The following SMAD5 variants were observed in gnomAD, a reference collection of about 807,000 sequenced individuals.
SMAD5 encodes the protein SMAD family member 5, also known as MAD, mothers against decapentaplegic homolog 5.
A neutral mutation model predicts 43.1 loss-of-function variants in SMAD5; 9 were observed. That is an observed-to-expected ratio of 0.21 (90% CI 0.13 to 0.36). The LOEUF (loss-of-function observed/expected upper bound fraction) is 0.36, where lower values mean the gene tolerates loss of function less well. Ranked by LOEUF, SMAD5 falls within the 10% of genes least tolerant of loss-of-function variation. The pLI, the probability that SMAD5 is intolerant of heterozygous loss-of-function variation, is 1.00. For missense variants in SMAD5, 348 were observed against 574.0 expected, an observed-to-expected ratio of 0.61 and a Z score of 4.02; for synonymous variants, 190 against 192.4, an observed-to-expected ratio of 0.99 and a Z score of 0.10.
intron 6 of SMAD5, among the ~76,000 whole-genome samples, chr5:136,173,028 T>A (rs753086838): frequency 3.9e-5 from 6 of 152,214 alleles, no homozygotes; most frequent in Non-Finnish European, 7.3e-5. Flanking sequence ...GTATGAATGC[T>A]GGTGAAGGAT....
rs1327915858 is a variant in SMAD5 at position 136,182,568 on chromosome 5, G to T, written c.*5088G>T. On this transcript the variant is annotated 3_prime_UTR_variant, in exon 8 of 8. Coordinates refer to ENST00000545279, the MANE Select transcript of SMAD5 (RefSeq NM_005903.7). ...TTGTATTTGTTGTGCTTCTGTTTAT[G>T]TTGTAGAAGCTGAAATTCTAGCAAC... is the stretch of plus-strand genomic sequence containing the variant. 2 of 152,738 alleles carry T rather than the reference G, an allele frequency of 1.3e-5. No homozygotes were observed. Among genetic ancestry groups the T allele is most frequent in the South Asian group, 4.1e-4 (2 of 4,830 alleles). 9.5% of individuals were successfully genotyped at this position (152,738 alleles called of 1,614,324 possible).
chr5:136,153,417 A>G (rs1474324897), intron 2 of SMAD5, among the ~76,000 whole-genome samples, 175 bp from the exon 3 acceptor site: 3 of 152,088 alleles, frequency 2.0e-5, no homozygotes, highest in Non-Finnish European at 2.9e-5. Flanking sequence ...TGTTCATATT[A>G]TGGGGAAGGA....
At chr5:136,142,348 T>A (rs1367188772) in intron 1 of SMAD5, among the ~76,000 whole-genome samples, 4 of 152,150 alleles carry the variant, frequency 2.6e-5, no homozygotes, top group African/African-American at 9.7e-5. Flanking sequence ...TGTTTTGTAA[T>A]GTGATAGATT....
At position 136,174,548 on chromosome 5, in the gene SMAD5, G is replaced by A. The variant is rs1754340896; in HGVS notation, c.1170G>A (p.Gln390=). ...LKIFNNQEFA[Q]LLAQSVNHGF... Reference sequence around the variant, plus strand: ...TTTTTAACAATCAGGAGTTTGCTCAGCTTCTGGCTCAATCTGTCAACCATG... The same window carrying A: ...TTTTTAACAATCAGGAGTTTGCTCAACTTCTGGCTCAATCTGTCAACCATG... The change falls in exon 7 of 8, where the codon CAG becomes CAA. Residue 390 remains glutamine, a synonymous_variant. Coordinates refer to ENST00000545279, the MANE Select transcript of SMAD5 (RefSeq NM_005903.7). The A allele has an allele frequency of 6.2e-7, 1 of 1,613,718 alleles. No homozygotes were observed. The highest frequency in any genetic ancestry group is 1.3e-5 in the African/African-American group (1 of 75,034).
At chr5:136,173,587 TCC>T (rs1754299255) in intron 6 of SMAD5, among the ~76,000 whole-genome samples, 2 of 152,106 alleles carry the variant, frequency 1.3e-5, no homozygotes, top group African/African-American at 4.8e-5. Context: ...TTTTTTTTCT[TCC>T]ATCACAGTAG....
chr5:136,177,215 C>A, intron 7 of SMAD5, 122 bp from the exon 8 acceptor site: 1 of 759,786 alleles, frequency 1.3e-6, no homozygotes, highest in Non-Finnish European at 2.3e-6. Context: ...GATAGTTATT[C>A]TCTTTATGTA....
intron 2 of SMAD5, among the ~76,000 whole-genome samples, chr5:136,148,257 CT>C (rs201776499): frequency 6.6e-6 from 1 of 150,414 alleles, no homozygotes; most frequent in Non-Finnish European, 1.5e-5. Context: ...TTAAGTTGTT[CT>C]TTTTTTTGCA....
intron 7 of SMAD5, among the ~76,000 whole-genome samples, chr5:136,176,457 C>CAAAAAAAAAAA (rs60311104): frequency 4.5e-4 from 31 of 68,504 alleles, no homozygotes; most frequent in African/African-American, 1.5e-3. Context: ...CTCTGTCTCA[C>CAAAAAAAAAAA]AAAAAAAAAA....
intron 3 of SMAD5, among the ~76,000 whole-genome samples, chr5:136,154,390 A>G (rs1057051237): frequency 6.6e-6 from 1 of 152,158 alleles, no homozygotes; most frequent in Admixed American, 6.6e-5. Context: ...GTAAGCACCC[A>G]TATATCTACT....
intron 7 of SMAD5, among the ~76,000 whole-genome samples, chr5:136,176,855 A>G (rs1260110033): frequency 6.6e-6 from 1 of 152,202 alleles, no homozygotes; most frequent in East Asian, 1.9e-4. Flanking sequence ...ATTTGCAGGC[A>G]GATTCTTTGG....
chr5:136,164,330 A>C (rs1753924109), intron 5 of SMAD5, among the ~76,000 whole-genome samples: 1 of 152,236 alleles, frequency 6.6e-6, no homozygotes, highest in Non-Finnish European at 1.5e-5. Context: ...AACTTCTCTG[A>C]AGCGGCAGTA....
chr5:136,139,081 G>T (rs1285338254), intron 1 of SMAD5, among the ~76,000 whole-genome samples: 1 of 152,064 alleles, frequency 6.6e-6, no homozygotes, highest in Middle Eastern at 3.4e-3. Flanking sequence ...AGCACAAAGT[G>T]AAAGAGTTGT....
intron 5 of SMAD5, among the ~76,000 whole-genome samples, chr5:136,171,666 G>C (rs2149780008): frequency 6.6e-6 from 1 of 152,330 alleles, no homozygotes; most frequent in South Asian, 2.1e-4. Flanking sequence ...TTTACAGCTG[G>C]AAAGGAATTT....
At chr5:136,171,042 A>G (rs1329261862) in intron 5 of SMAD5, among the ~76,000 whole-genome samples, 1 of 152,114 alleles carries the variant, frequency 6.6e-6, no homozygotes, top group African/African-American at 2.4e-5. Context: ...CTATCTGTGT[A>G]CCTTTTATTT....
At chr5:136,140,344 T>G (rs1753035015) in intron 1 of SMAD5, among the ~76,000 whole-genome samples, 1 of 152,172 alleles carries the variant, frequency 6.6e-6, no homozygotes, top group Non-Finnish European at 1.5e-5. Flanking sequence ...CTCCACTGAG[T>G]TCACAGTTTC....
rs1377161922 is a variant in SMAD5, at chr5:136,181,613, G to T, written c.*4133G>T. The T allele has an allele frequency of 1.3e-5, 2 of 152,138 alleles. No individual in the cohort carries two copies. Among genetic ancestry groups the T allele is most frequent in the Non-Finnish European group, 2.9e-5 (2 of 67,988 alleles). 9.4% of individuals were successfully genotyped at this position (152,138 alleles called of 1,614,324 possible). On this transcript the variant is annotated 3_prime_UTR_variant, in exon 8 of 8. Transcript: ENST00000545279. ...AGGAGCTTTTCTTATCACACAAGATGCCTGAATCGAATGTGAGAATTGAAG... is the reference window on the plus strand; with the variant it reads ...AGGAGCTTTTCTTATCACACAAGATTCCTGAATCGAATGTGAGAATTGAAG...
chr5:136,160,866 A>G lies in SMAD5; in HGVS notation c.414A>G (p.Pro138=), dbSNP rs748015657. Residue 138 remains proline, a synonymous_variant, in exon 4 of 8, where the codon CCA becomes CCG. Coordinates refer to ENST00000545279, the MANE Select transcript of SMAD5 (RefSeq NM_005903.7). ...YKRVESPVLP[P]VLVPRHNEFN... ...ATTTTTGTTTTTCAGTCTTACCTCC[A>G]GTATTAGTGCCTCGTCATAATGAAT... 5.0e-6 allele frequency: 8 copies of G among 1,613,698 alleles called. No individual in the cohort carries two copies. Among genetic ancestry groups the G allele is most frequent in the Middle Eastern group, 1.6e-4 (1 of 6,062 alleles).
intron 3 of SMAD5, among the ~76,000 whole-genome samples, chr5:136,157,876 T>G (rs942070697): frequency 2.0e-5 from 3 of 152,164 alleles, no homozygotes; most frequent in Non-Finnish European, 4.4e-5. Flanking sequence ...ATTAAGACTG[T>G]GGGTTCTGGA....
intron 1 of SMAD5, among the ~76,000 whole-genome samples, chr5:136,138,326 A>C (rs1580758666): frequency 6.6e-6 from 1 of 152,202 alleles, no homozygotes; most frequent in East Asian, 1.9e-4. Context: ...TGCTATGAGA[A>C]CTTCTTATGT....
Sources: gnomAD v4.1 joint callset for allele counts (sites outside exome capture counted in the v4.1 genomes callset) on GRCh38, gnomAD v4.1.1 for gene constraint, MANE v1.5 for transcripts, NCBI Gene and HGNC (gene_info 2026-07-23, HGNC 2026-07-21) for gene names.